SVOPL: variants seen among roughly 807,000 people sequenced by gnomAD.
The protein encoded by SVOPL is SVOP like.
SVOPL carries 60 observed loss-of-function variants against 61.0 expected under a neutral mutation model. The observed-to-expected ratio is 0.98, with a 90% CI of 0.80 to 1.22. SVOPL has a LOEUF of 1.22. Among genes scored for constraint, SVOPL ranks in the 50% most tolerant of loss-of-function variants. The pLI is 0.00. For missense variants in SVOPL, 662 were observed against 643.9 expected (o/e 1.03, Z -0.30); for synonymous variants, 279 against 250.0 (o/e 1.12, Z -1.09).
intron 9 of SVOPL, among the ~76,000 whole-genome samples, chr7:138,642,848 A>G (rs1326104588): frequency 1.4e-4 from 5 of 35,486 alleles, no homozygotes; most frequent in East Asian, 1.3e-3. Context: ...AAAAAAAAAA[A>G]AAGAAGAAAC....
chr7:138,685,007 A>C (rs974941984), intron 1 of SVOPL, among the ~76,000 whole-genome samples: 5 of 149,382 alleles, frequency 3.3e-5, no homozygotes, highest in Admixed American at 6.8e-5. Context: ...ATCTCAGCTC[A>C]CTGCAACCTC....
intron 1 of SVOPL, among the ~76,000 whole-genome samples, chr7:138,685,580 G>A (rs1010251598): frequency 2.0e-5 from 3 of 152,186 alleles, no homozygotes; most frequent in African/African-American, 7.2e-5. Context: ...CAGAAAGGTA[G>A]ATCTTCTGAT....
intron 14 of SVOPL, among the ~76,000 whole-genome samples, chr7:138,616,091 C>T (rs1361234358): frequency 2.0e-5 from 3 of 152,222 alleles, no homozygotes; most frequent in Non-Finnish European, 4.4e-5. Flanking sequence ...AGAGAGCCCT[C>T]ACTAGAACCC....
intron 1 of SVOPL, among the ~76,000 whole-genome samples, chr7:138,686,080 C>A (rs1161085346): frequency 6.6e-6 from 1 of 151,928 alleles, no homozygotes; most frequent in African/African-American, 2.4e-5. Context: ...AAATCTCAAG[C>A]CAAGCTGTCC....
At chr7:138,599,786 G>A (rs1168063160) in intron 14 of SVOPL, among the ~76,000 whole-genome samples, 1 of 151,810 alleles carries the variant, frequency 6.6e-6, no homozygotes, top group Non-Finnish European at 1.5e-5. Context: ...TACTCGGGAG[G>A]CTGAGACAGG....
At chr7:138,647,321 C>T (rs991101810) in intron 8 of SVOPL, among the ~76,000 whole-genome samples, 9 of 151,864 alleles carry the variant, frequency 5.9e-5, no homozygotes, top group African/African-American at 1.9e-4. Flanking sequence ...GCAGAGGTTG[C>T]GAAGAGCTGA....
intron 14 of SVOPL, among the ~76,000 whole-genome samples, chr7:138,614,392 C>CTTTTTTTT (rs528123598): frequency 7.3e-6 from 1 of 137,920 alleles, no homozygotes. Flanking sequence ...AGCATTTCAA[C>CTTTTTTTT]TTTTTTTTTT....
intron 3 of SVOPL, among the ~76,000 whole-genome samples, chr7:138,673,932 C>G (rs1802491301): frequency 6.6e-6 from 1 of 152,156 alleles, no homozygotes; most frequent in Non-Finnish European, 1.5e-5. Context: ...CGCCTGTAAT[C>G]CCAGCACTTT....
At position 138,604,049 on chromosome 7, in the gene SVOPL, G is replaced by A. The variant is rs187021351; in HGVS notation, c.1354-7519C>T. Reference sequence around the variant, plus strand: ...TGTGGTCACGACTCACTGCAGTGTCGACCTCCTGGGCTCAAGTGATCCTCT... The same window carrying A: ...TGTGGTCACGACTCACTGCAGTGTCAACCTCCTGGGCTCAAGTGATCCTCT... On this transcript the variant is annotated intron_variant, in intron 14 of 15. Coordinates refer to ENST00000674285, the MANE Select transcript of SVOPL (RefSeq NM_001139456.2). Among the ~76,000 whole-genome samples, 545 of 143,234 alleles carry A rather than the reference G, an allele frequency of 3.8e-3. 4 individuals carry two copies. The highest frequency in any genetic ancestry group is 0.014 in the African/African-American group (528 of 38,290). 94.0% of individuals were successfully genotyped at this position (143,234 alleles called of 152,430 possible).
intron 8 of SVOPL, 101 bp downstream of exon 8, chr7:138,648,911 G>A (rs1321052210): frequency 2.1e-5 from 32 of 1,537,974 alleles, no homozygotes; most frequent in Non-Finnish European, 2.7e-5. Context: ...AACAAAGAGA[G>A]ACTCTGTCTC....
chr7:138,606,862 G>A (rs751974119), intron 14 of SVOPL, among the ~76,000 whole-genome samples: 34 of 152,106 alleles, frequency 2.2e-4, no homozygotes, highest in Non-Finnish European at 3.5e-4. Flanking sequence ...GCTGAGGCAG[G>A]AGAATTGCTT....
At chr7:138,606,487 C>A (rs1309945631) in intron 14 of SVOPL, among the ~76,000 whole-genome samples, 1 of 152,094 alleles carries the variant, frequency 6.6e-6, no homozygotes, top group Non-Finnish European at 1.5e-5. Flanking sequence ...TCAGGCAAGC[C>A]TCCCTTCTAT....
chr7:138,653,932 CAAAA>C (rs34826230), intron 7 of SVOPL, among the ~76,000 whole-genome samples: 95,732 of 132,516 alleles, frequency 0.72, 35,543 homozygotes, highest in Middle Eastern at 0.84. Context: ...GACTCTGTCT[CAAAA>C]AAAAAAAAAA....
chr7:138,641,823 T>TATATATATATATAAC (rs1554464923), intron 9 of SVOPL, among the ~76,000 whole-genome samples: 1 of 139,696 alleles, frequency 7.2e-6, no homozygotes, highest in African/African-American at 2.6e-5. Flanking sequence ...GTTATATATA[T>TATATATATATATAAC]ATATATATAT....
At chr7:138,598,780 C>T in intron 14 of SVOPL, among the ~76,000 whole-genome samples, 1 of 151,768 alleles carries the variant, frequency 6.6e-6, no homozygotes, top group East Asian at 1.9e-4. Flanking sequence ...CTAATAGGAA[C>T]AAAAATAGAA....
At chr7:138,685,656 T>G (rs1301335645) in intron 1 of SVOPL, among the ~76,000 whole-genome samples, 1 of 152,072 alleles carries the variant, frequency 6.6e-6, no homozygotes, top group Non-Finnish European at 1.5e-5. Context: ...TCCCAGGAAT[T>G]TGAGACCAGC....
chr7:138,653,942 AAAAAAAG>A (rs1276202467), intron 7 of SVOPL, among the ~76,000 whole-genome samples: 26 of 148,540 alleles, frequency 1.8e-4, no homozygotes, highest in African/African-American at 5.2e-4. Context: ...CAAAAAAAAA[AAAAAAAG>A]AAAAGAAAAG....
intron 11 of SVOPL, 89 bp downstream of exon 11, chr7:138,628,069 T>A: frequency 2.1e-6 from 3 of 1,434,368 alleles, no homozygotes; most frequent in Non-Finnish European, 2.9e-6. Context: ...GCAGGAGCGG[T>A]GTCACAGGGT....
chr7:138,606,111 C>T (rs1383287073), intron 14 of SVOPL, among the ~76,000 whole-genome samples: 1 of 151,934 alleles, frequency 6.6e-6, no homozygotes, highest in Non-Finnish European at 1.5e-5. Flanking sequence ...CAAAAATTAG[C>T]CATCTATGCA....
Sources: gnomAD v4.1 joint callset for allele counts (sites outside exome capture counted in the v4.1 genomes callset) on GRCh38, gnomAD v4.1.1 for gene constraint, MANE v1.5 for transcripts, NCBI Gene and HGNC (gene_info 2026-07-23, HGNC 2026-07-21) for gene names.